The following PARVB variants were observed in gnomAD, a reference collection of about 807,000 sequenced individuals.
PARVB encodes parvin beta.
Under a neutral mutation model 47.0 loss-of-function variants are expected in PARVB, and 46 were observed. The ratio of observed to expected loss-of-function variants is 0.98; its 90% confidence interval spans 0.77 to 1.25. PARVB has a LOEUF of 1.25. PARVB is among the 50% of genes most tolerant of loss of function. PARVB has a pLI of 0.00. For synonymous variants in PARVB, 196 were observed against 196.3 expected, an observed-to-expected ratio of 1.00 and a Z score of 0.01; for missense variants, 473 against 471.6, an observed-to-expected ratio of 1.00 and a Z score of -0.03.
chr22:44,060,816 G>C (rs1465076979), intron 1 of PARVB, among the ~76,000 whole-genome samples: 1 of 151,972 alleles, frequency 6.6e-6, no homozygotes, highest in Non-Finnish European at 1.5e-5. Flanking sequence ...GATCTATAAA[G>C]TTGCCACAAA....
intron 3 of PARVB, chr22:44,110,948 G>A (rs559247286): frequency 6.6e-6 from 1 of 152,158 alleles, no homozygotes; most frequent in Non-Finnish European, 1.5e-5. Context: ...AAGCCATCTG[G>A]ATAGTGATTA....
At chr22:44,154,538 T>G (rs1601693226) in intron 10 of PARVB, among the ~76,000 whole-genome samples, 4 of 113,370 alleles carry the variant, frequency 3.5e-5, no homozygotes, top group South Asian at 8.7e-4. Flanking sequence ...CTGGTGGGTG[T>G]GTGTGTGTGT....
chr22:44,012,573 A>G (rs1228660676), intron 2 of PARVB, among the ~76,000 whole-genome samples: 2 of 152,202 alleles, frequency 1.3e-5, no homozygotes, highest in East Asian at 3.9e-4. Flanking sequence ...GCGTGCTTGA[A>G]AACCCTACCC....
At chr22:44,145,915 G>C (rs867850796) in intron 8 of PARVB, 1 of 140,692 alleles carries the variant, frequency 7.1e-6, no homozygotes, top group Non-Finnish European at 1.6e-5. Context: ...TTTTTTTTTT[G>C]TTTTGCCCCT....
chr22:44,102,249 C>A lies in PARVB; in HGVS notation c.273+2126C>A, dbSNP rs60000015. ...TTTTGTTCTATGGGATCAGATGAGGCCCACCCGCTTTGGGGAGGGCTGTCT... is the reference window on the plus strand; with the variant it reads ...TTTTGTTCTATGGGATCAGATGAGGACCACCCGCTTTGGGGAGGGCTGTCT... On this transcript the variant is annotated intron_variant, in intron 3 of 12. Transcript: ENST00000338758. 7.8e-3 allele frequency among the ~76,000 whole-genome samples: 1,189 copies of A among 152,182 alleles called. 43 individuals are homozygous for A. The East Asian group carries it at 0.12, about 15-fold the overall frequency.
chr22:44,007,094 C>T (rs117265137), intron 2 of PARVB, among the ~76,000 whole-genome samples: 4,959 of 152,330 alleles, frequency 0.033, 117 homozygotes, highest in Non-Finnish European at 0.054. Flanking sequence ...TGTCAGTGGC[C>T]ACTACCTTCC....
At chr22:44,026,243 T>A in intron 1 of PARVB, 1 of 895,420 alleles carries the variant, frequency 1.1e-6, no homozygotes. Context: ...TCTAGAAAAT[T>A]CAGGCCCAGC....
intron 1 of PARVB, among the ~76,000 whole-genome samples, chr22:44,074,784 G>C (rs918620079): frequency 6.6e-6 from 1 of 152,226 alleles, no homozygotes; most frequent in African/African-American, 2.4e-5. Context: ...GAGCGTGGCC[G>C]TGTGGTGTGC....
At chr22:44,062,652 A>G (rs1437108022) in intron 1 of PARVB, among the ~76,000 whole-genome samples, 2 of 151,742 alleles carry the variant, frequency 1.3e-5, no homozygotes, top group East Asian at 3.9e-4. Context: ...AAAAAAAAAA[A>G]GAACTCAGGG....
At chr22:44,023,708 TC>T (rs1198166882), upstream of PARVB, among the ~76,000 whole-genome samples, 2 of 152,030 alleles carry the variant, frequency 1.3e-5, no homozygotes, top group Admixed American at 6.5e-5. Context: ...CCCCACACTG[TC>T]CCCAGGGCCT....
At chr22:44,021,489 G>A (rs968055204), upstream of PARVB, among the ~76,000 whole-genome samples, 1 of 152,134 alleles carries the variant, frequency 6.6e-6, no homozygotes, top group African/African-American at 2.4e-5. Context: ...GATAACACAG[G>A]ACTATCGTTC....
intron 7 of PARVB, among the ~76,000 whole-genome samples, chr22:44,136,822 G>T (rs538173244): frequency 2.1e-4 from 32 of 152,326 alleles, no homozygotes; most frequent in Admixed American, 1.9e-3. Flanking sequence ...GTTCAGGATG[G>T]TTAGAGAGAA....
chr22:44,051,854 C>T (rs1401888523), intron 1 of PARVB, among the ~76,000 whole-genome samples: 3 of 152,100 alleles, frequency 2.0e-5, no homozygotes, highest in African/African-American at 7.2e-5. Context: ...TGACTGGGGC[C>T]TTTATGGGGA....
At chr22:44,158,162 T>A (rs908653903) in intron 11 of PARVB, 79 bp downstream of exon 11, 10 of 940,640 alleles carry the variant, frequency 1.1e-5, no homozygotes, top group South Asian at 2.9e-5. Context: ...TCCCGGCAGC[T>A]CTTCCTGCAG....
chr22:44,136,440 G>C lies in PARVB; in HGVS notation c.634-20G>C, dbSNP rs751259793. 2 of 1,612,852 alleles carry C rather than the reference G, an allele frequency of 1.2e-6. No individual in the cohort carries two copies. Among genetic ancestry groups the C allele is most frequent in the South Asian group, 2.2e-5 (2 of 91,050 alleles). On this transcript the variant is annotated intron_variant, in intron 6 of 12. Coordinates refer to ENST00000338758, the MANE Select transcript of PARVB (RefSeq NM_013327.5). Reference sequence around the variant, plus strand: ...AACTCTCCACTGCCTGATTTTGTATGTTTATTTTGGGGTTTTCAGAAACGG... The same window carrying C: ...AACTCTCCACTGCCTGATTTTGTATCTTTATTTTGGGGTTTTCAGAAACGG...
At chr22:44,138,950 T>C (rs756232082) in intron 7 of PARVB, 1 of 152,126 alleles carries the variant, frequency 6.6e-6, no homozygotes, top group African/African-American at 2.4e-5. Context: ...CTAGAGGGAT[T>C]TGGGGACAAA....
intron 1 of PARVB, chr22:44,069,086 T>C (rs1008440486): frequency 6.2e-7 from 1 of 1,607,738 alleles, no homozygotes; most frequent in South Asian, 1.1e-5. Flanking sequence ...ATGAACGGGG[T>C]GTGTGCCCGC....
At chr22:44,122,504 G>A (rs1054852760) in intron 4 of PARVB, among the ~76,000 whole-genome samples, 1 of 92,700 alleles carries the variant, frequency 1.1e-5, no homozygotes, top group East Asian at 2.9e-4. Context: ...GAGAGAGAGA[G>A]AGAGAGAGAG....
upstream of PARVB, among the ~76,000 whole-genome samples, chr22:44,020,049 G>C (rs2050630131): frequency 6.6e-6 from 1 of 152,146 alleles, no homozygotes; most frequent in Non-Finnish European, 1.5e-5. Context: ...CCGCCAGCAA[G>C]TCGGCACTCA....
Sources: allele counts gnomAD v4.1 joint callset (sites outside exome capture counted in the v4.1 genomes callset), GRCh38; gene constraint gnomAD v4.1.1; transcripts MANE v1.5; gene names NCBI Gene and HGNC (gene_info 2026-07-23, HGNC 2026-07-21).